Variants in ANK3 observed in about 807,000 individuals in gnomAD.
ANK3 encodes ankyrin 3.
ANK3 carries 57 observed loss-of-function variants against 370.9 expected under a neutral mutation model. The observed-to-expected ratio is 0.15, with a 90% CI of 0.12 to 0.19. The LOEUF (loss-of-function observed/expected upper bound fraction) is 0.19, where lower values mean the gene tolerates loss of function less well. Among genes scored for constraint, ANK3 ranks in the 10% least tolerant of loss-of-function variants. ANK3 has a pLI of 1.00. For synonymous variants in ANK3, 1,929 were observed against 1,946.3 expected (o/e 0.99, Z 0.23); for missense variants, 4,439 against 5,302.1 (o/e 0.84, Z 5.06).
Position 60,678,236 on chromosome 10 carries a change from T to C in ANK3, c.57+55027A>G, listed in dbSNP as rs566789055. Among the ~76,000 whole-genome samples, 427 of 152,340 alleles carry C rather than the reference T, an allele frequency of 2.8e-3. 1 individual carries two copies. Among genetic ancestry groups the C allele is most frequent in the African/African-American group, 1.0e-2 (414 of 41,578 alleles). On this transcript the variant is annotated intron_variant, in intron 1 of 43. Transcript: ENST00000373827. ...TTGCAGAATCCAACAAGAAAATACA[T>C]TGATAGGGCTTTGGTGAGAATTAAA...
chr10:60,262,198 C>G (rs1411850556), intron 6 of ANK3, among the ~76,000 whole-genome samples: 1 of 152,092 alleles, frequency 6.6e-6, no homozygotes, highest in African/African-American at 2.4e-5. Flanking sequence ...TTTTAGTAAT[C>G]CAATAACAGA....
intron 2 of ANK3, among the ~76,000 whole-genome samples, chr10:60,567,199 G>A (rs943221697): frequency 5.9e-5 from 9 of 152,176 alleles, no homozygotes; most frequent in African/African-American, 2.2e-4. Context: ...ATCCTACCTA[G>A]GACTGTCACA....
rs1399898782 is a variant in ANK3, at chr10:60,389,407, T to A, written c.114+18A>T. On this transcript the variant is annotated intron_variant, in intron 1 of 43. Coordinates refer to ENST00000280772, the MANE Select transcript of ANK3 (RefSeq NM_020987.5). ...AAAAGAATCCAGGCAAGATATATGC[T>A]CTGGCATACATAGATACCTTTTTCT... The A allele has an allele frequency of 1.2e-6, 2 of 1,607,084 alleles. No individual in the cohort carries two copies. The highest frequency in any genetic ancestry group is 1.7e-6 in the Non-Finnish European group (2 of 1,175,126).
At chr10:60,480,719 C>T (rs1264728324) in intron 2 of ANK3, among the ~76,000 whole-genome samples, 1 of 152,200 alleles carries the variant, frequency 6.6e-6, no homozygotes, top group African/African-American at 2.4e-5. Flanking sequence ...TTATTCACTA[C>T]TTTTGGTAGT....
At chr10:60,098,123 G>A (rs529928116) in intron 28 of ANK3, among the ~76,000 whole-genome samples, 8 of 152,122 alleles carry the variant, frequency 5.3e-5, no homozygotes, top group Admixed American at 1.3e-4. Flanking sequence ...ATTAGGATGA[G>A]CAGTTTCCTC....
chr10:60,704,257 G>A (rs1031434539), intron 1 of ANK3, among the ~76,000 whole-genome samples: 4 of 152,134 alleles, frequency 2.6e-5, no homozygotes, highest in African/African-American at 9.7e-5. Flanking sequence ...ACTATCATAG[G>A]TAATGTCAAG....
At chr10:60,203,174 G>A (rs769686427) in intron 11 of ANK3, 74 bp from the exon 12 acceptor site, 15 of 959,558 alleles carry the variant, frequency 1.6e-5, no homozygotes, top group Non-Finnish European at 2.3e-5. Context: ...CTGCCTGCCT[G>A]TCATCCATCC....
rs374629410 is a variant in ANK3, at chr10:60,100,912, T to C, written c.3328+4993A>G. 2.6e-5 allele frequency among the ~76,000 whole-genome samples: 4 copies of C among 152,340 alleles called. No homozygotes were observed. The East Asian group carries it at 7.7e-4, about 29-fold the overall frequency. On this transcript the variant is annotated intron_variant, in intron 28 of 43. Coordinates refer to ENST00000280772, the MANE Select transcript of ANK3 (RefSeq NM_020987.5). Reference sequence around the variant, plus strand: ...TGGGTATGTAATTTTAAATTTCCTATAGCCACACTAAAAAATAAAAATAAA... The same window carrying C: ...TGGGTATGTAATTTTAAATTTCCTACAGCCACACTAAAAAATAAAAATAAA...
Position 60,071,838 on chromosome 10 carries a change from C to T in ANK3, c.9043G>A (p.Glu3015Lys). The change falls in exon 37 of 44, where the codon GAA becomes AAA. Residue 3015 changes from glutamate to lysine, a missense_variant. This residue lies in a region of ANK3 where 1,601 missense variants were observed against 1,731.7 expected (regional missense o/e 0.92). Transcript: ENST00000280772. ...CTGATTTCTGAATAGGTAACTTTTT[C>T]ATCTTCTATAGAATTAAAGTGCTGT... Reference protein sequence around the residue: ...ETQHFNSIEDEKVTYSEISKV... With the variant: ...ETQHFNSIEDKKVTYSEISKV... 6.2e-7 allele frequency: 1 copy of T among 1,612,562 alleles called. No individual in the cohort carries two copies. Among genetic ancestry groups the T allele is most frequent in the East Asian group, 2.2e-5 (1 of 44,848 alleles).
intron 2 of ANK3, among the ~76,000 whole-genome samples, chr10:60,504,651 C>T (rs1327097766): frequency 6.6e-6 from 1 of 152,074 alleles, no homozygotes; most frequent in Non-Finnish European, 1.5e-5. Context: ...AATAGAATCC[C>T]TCAGATTCAA....
intron 1 of ANK3, among the ~76,000 whole-genome samples, chr10:60,689,169 G>A (rs534087990): frequency 2.6e-5 from 4 of 152,152 alleles, no homozygotes; most frequent in Non-Finnish European, 4.4e-5. Flanking sequence ...GGAGGCCAAG[G>A]CAGGAGGAGT....
intron 2 of ANK3, among the ~76,000 whole-genome samples, chr10:60,577,303 TTCTAGGCC>T (rs2077695411): frequency 6.6e-6 from 1 of 152,148 alleles, no homozygotes; most frequent in Non-Finnish European, 1.5e-5. Context: ...GGCCCTAAAC[TTCTAGGCC>T]ATAGAAAAGA....
At chr10:60,163,857 T>A (rs2095556779) in intron 23 of ANK3, among the ~76,000 whole-genome samples, 1 of 152,212 alleles carries the variant, frequency 6.6e-6, no homozygotes, top group Non-Finnish European at 1.5e-5. Flanking sequence ...TATTTGCTTT[T>A]AAAAGCTGCT....
At chr10:60,416,143 C>T (rs1407590419) in intron 2 of ANK3, among the ~76,000 whole-genome samples, 1 of 152,142 alleles carries the variant, frequency 6.6e-6, no homozygotes, top group African/African-American at 2.4e-5. Flanking sequence ...AAATGGGCCT[C>T]AGACACCAAT....
In ANK3 at chr10:60,139,100, A is replaced by G. The variant is rs1322383365; in HGVS notation, c.2615-13T>C. ...ATTGCATCTTCACCTGCAGATGTAGAGAGTAAGCCCACATCAAAAGCTTCC... is the reference window on the plus strand; with the variant it reads ...ATTGCATCTTCACCTGCAGATGTAGGGAGTAAGCCCACATCAAAAGCTTCC... On this transcript the variant is annotated splice_polypyrimidine_tract_variant and intron_variant, in intron 23 of 43. Transcript: ENST00000280772. 1.9e-6 allele frequency: 3 copies of G among 1,610,980 alleles called. No homozygotes were observed. The highest frequency in any genetic ancestry group is 2.2e-5 in the East Asian group (1 of 44,830).
intron 1 of ANK3, among the ~76,000 whole-genome samples, chr10:60,650,419 A>G (rs1041784088): frequency 3.3e-5 from 5 of 151,976 alleles, no homozygotes; most frequent in African/African-American, 1.2e-4. Flanking sequence ...GTCCCATGCT[A>G]GCTAGGTGCT....
At chr10:60,644,790 A>G (rs1332714462) in intron 1 of ANK3, among the ~76,000 whole-genome samples, 1 of 147,532 alleles carries the variant, frequency 6.8e-6, no homozygotes, top group Non-Finnish European at 1.5e-5. Context: ...ATGCCAAAAG[A>G]CAATTTTAAA....
chr10:60,607,808 G>A (rs966114237), intron 2 of ANK3, among the ~76,000 whole-genome samples: 3 of 152,164 alleles, frequency 2.0e-5, no homozygotes, highest in African/African-American at 7.2e-5. Context: ...GTCAGAGCAC[G>A]CAGATGAGTA....
At chr10:60,314,695 G>A (rs1410253539) in intron 1 of ANK3, among the ~76,000 whole-genome samples, 2 of 152,160 alleles carry the variant, frequency 1.3e-5, no homozygotes, top group African/African-American at 2.4e-5. Flanking sequence ...ACCCTGATGA[G>A]TGAAGGTACA....
Sources: allele counts gnomAD v4.1 joint callset (sites outside exome capture counted in the v4.1 genomes callset), GRCh38; gene constraint gnomAD v4.1.1; regional missense constraint gnomAD v4.1.1; transcripts MANE v1.5; gene names NCBI Gene and HGNC (gene_info 2026-07-23, HGNC 2026-07-21).